The following GABRB1 variants were observed in gnomAD, a reference collection of about 807,000 sequenced individuals.
GABRB1 encodes gamma-aminobutyric acid receptor subunit beta-1.
In GABRB1, 17 loss-of-function variants were observed where a neutral mutation model predicts 51.6. The observed-to-expected ratio is 0.33, with a 90% CI of 0.23 to 0.49. GABRB1 has a LOEUF of 0.49. GABRB1 is among the 20% of genes least tolerant of loss of function. GABRB1 has a pLI of 0.99. For missense variants in GABRB1, 410 were observed against 600.6 expected (o/e 0.68, Z 3.32); for synonymous variants, 247 against 218.9 (o/e 1.13, Z -1.14).
chr4:47,089,952 A>G (rs1728227666), intron 3 of GABRB1, among the ~76,000 whole-genome samples: 1 of 152,224 alleles, frequency 6.6e-6, no homozygotes, highest in African/African-American at 2.4e-5. Flanking sequence ...TAACAAATTT[A>G]GGGCAGAAAT....
chr4:47,202,231 C>T (rs4695197), intron 4 of GABRB1, among the ~76,000 whole-genome samples: 107,594 of 152,042 alleles, frequency 0.71, 38,546 homozygotes, highest in Middle Eastern at 0.86. Context: ...AGGAGCTCTT[C>T]GCCCTCTGCT....
At chr4:47,312,561 A>G (rs921457575) in intron 4 of GABRB1, among the ~76,000 whole-genome samples, 2 of 152,218 alleles carry the variant, frequency 1.3e-5, no homozygotes, top group Non-Finnish European at 1.5e-5. Flanking sequence ...CACTCTATTG[A>G]GTGATACTGA....
Position 47,275,467 on chromosome 4 carries a change from C to T in GABRB1, c.462-44660C>T, listed in dbSNP as rs921972676. Among the ~76,000 whole-genome samples, 7 of 152,128 alleles carry T rather than the reference C, an allele frequency of 4.6e-5. No individual in the cohort carries two copies. The East Asian group carries it at 7.7e-4, about 17-fold the overall frequency. On this transcript the variant is annotated intron_variant, in intron 4 of 8. Coordinates refer to ENST00000295454, the MANE Select transcript of GABRB1 (RefSeq NM_000812.4). The stretch of plus-strand genomic sequence containing the variant: ...CAACCTCTCTGAGCCATGGCTTTCT[C>T]GATTGATAAAGTGGATGATAAGGAT...
intron 4 of GABRB1, among the ~76,000 whole-genome samples, chr4:47,267,481 G>A (rs1412709608): frequency 6.6e-6 from 1 of 151,968 alleles, no homozygotes; most frequent in African/African-American, 2.4e-5. Flanking sequence ...CGAAATGACA[G>A]TTTCATAGAG....
At chr4:47,330,953 T>G (rs2109975039) in intron 5 of GABRB1, among the ~76,000 whole-genome samples, 1 of 152,322 alleles carries the variant, frequency 6.6e-6, no homozygotes, top group Admixed American at 6.5e-5. Context: ...TCTGAAATAA[T>G]GTAAAACCAG....
chr4:47,295,009 G>T (rs1248802252), intron 4 of GABRB1, among the ~76,000 whole-genome samples: 1 of 152,210 alleles, frequency 6.6e-6, no homozygotes, highest in African/African-American at 2.4e-5. Flanking sequence ...GTCTGGAGTG[G>T]ACCTCTAGCA....
At chr4:47,125,339 A>G (rs1716068480) in intron 3 of GABRB1, among the ~76,000 whole-genome samples, 2 of 152,050 alleles carry the variant, frequency 1.3e-5, no homozygotes, top group Admixed American at 1.3e-4. Flanking sequence ...ATTGAAATGA[A>G]ATGATGCTAA....
intron 3 of GABRB1, among the ~76,000 whole-genome samples, chr4:47,044,446 C>T (rs1725997327): frequency 6.6e-6 from 1 of 151,862 alleles, no homozygotes; most frequent in Non-Finnish European, 1.5e-5. Context: ...GATGTTGTAT[C>T]CTAATTTATA....
intron 3 of GABRB1, among the ~76,000 whole-genome samples, chr4:47,075,919 C>G (rs1727528101): frequency 6.6e-6 from 1 of 152,066 alleles, no homozygotes; most frequent in African/African-American, 2.4e-5. Flanking sequence ...CTGGGTCAAT[C>G]CAGAAATAGG....
Position 47,165,264 on chromosome 4 carries a change from T to A in GABRB1, c.461+3795T>A, listed in dbSNP as rs529630563. Among the ~76,000 whole-genome samples the A allele has an allele frequency of 4.6e-5, 7 of 152,180 alleles. No homozygotes were observed. In the East Asian group the frequency reaches 1.4e-3, roughly 29 times the overall value. On this transcript the variant is annotated intron_variant, in intron 4 of 8. Coordinates refer to ENST00000295454, the MANE Select transcript of GABRB1 (RefSeq NM_000812.4). ...CTAATCTCTCCATGTCTGCATGTAA[T>A]CTTCTTGGTACACACTCTTTACAGA...
intron 3 of GABRB1, among the ~76,000 whole-genome samples, chr4:47,068,936 G>A (rs1228148336): frequency 6.6e-6 from 1 of 152,172 alleles, no homozygotes; most frequent in African/African-American, 2.4e-5. Context: ...AAAACAGGGA[G>A]AGATGCCAAC....
At chr4:47,005,547 T>C (rs1724362057) in intron 1 of GABRB1, among the ~76,000 whole-genome samples, 1 of 151,790 alleles carries the variant, frequency 6.6e-6, no homozygotes, top group African/African-American at 2.4e-5. Flanking sequence ...TAAGGATCCA[T>C]TTGATGCTAA....
At chr4:47,081,913 C>T (rs1727864168) in intron 3 of GABRB1, among the ~76,000 whole-genome samples, 1 of 152,014 alleles carries the variant, frequency 6.6e-6, no homozygotes, top group South Asian at 2.1e-4. Context: ...GGTTTTATTT[C>T]TCTGGGCTCC....
At chr4:47,144,857 T>G (rs1213905516) in intron 3 of GABRB1, among the ~76,000 whole-genome samples, 1 of 150,398 alleles carries the variant, frequency 6.6e-6, no homozygotes, top group Middle Eastern at 3.2e-3. Context: ...CCTTTGAGAG[T>G]ATAGAGTTGG....
chr4:47,126,630 C>G (rs557229143), intron 3 of GABRB1, among the ~76,000 whole-genome samples: 1 of 152,108 alleles, frequency 6.6e-6, no homozygotes, highest in East Asian at 1.9e-4. Context: ...CAAAAATCAT[C>G]AGATTTACAT....
chr4:47,061,433 T>C (rs1370950257), intron 3 of GABRB1, among the ~76,000 whole-genome samples: 1 of 152,220 alleles, frequency 6.6e-6, no homozygotes, highest in East Asian at 1.9e-4. Flanking sequence ...GTTGAGAATA[T>C]TTATTTAAGA....
intron 4 of GABRB1, among the ~76,000 whole-genome samples, chr4:47,179,138 C>T (rs993257209): frequency 6.6e-6 from 1 of 152,024 alleles, no homozygotes; most frequent in Non-Finnish European, 1.5e-5. Flanking sequence ...CTGACAGGCC[C>T]CAGTGTGTGA....
chr4:47,396,417 C>T (rs1456834366), intron 5 of GABRB1, among the ~76,000 whole-genome samples: 1 of 152,150 alleles, frequency 6.6e-6, no homozygotes, highest in African/African-American at 2.4e-5. Context: ...CAGAGCCAAA[C>T]CATATCAGGG....
intron 5 of GABRB1, among the ~76,000 whole-genome samples, chr4:47,326,814 T>A (rs1159929023): frequency 2.0e-5 from 3 of 152,210 alleles, no homozygotes; most frequent in African/African-American, 4.8e-5. Context: ...ATTCATAAAT[T>A]ACCCAGTTTA....
Sources: allele counts gnomAD v4.1 joint callset (sites outside exome capture counted in the v4.1 genomes callset), GRCh38; gene constraint gnomAD v4.1.1; transcripts MANE v1.5; gene names NCBI Gene and HGNC (gene_info 2026-07-23, HGNC 2026-07-21).